FOCAD: variants seen among roughly 807,000 people sequenced by gnomAD.
FOCAD encodes the protein focadhesin.
FOCAD carries 198 observed loss-of-function variants against 225.6 expected under a neutral mutation model. That is an observed-to-expected ratio of 0.88 (90% confidence interval 0.78 to 0.99). The LOEUF is 0.99. FOCAD is among the 50% of genes least tolerant of loss of function. The pLI is 0.00. For missense variants in FOCAD, 2,713 were observed against 2,123.6 expected, an observed-to-expected ratio of 1.28 and a Z score of -5.46; for synonymous variants, 897 against 755.0, an observed-to-expected ratio of 1.19 and a Z score of -3.08.
intron 39 of FOCAD, among the ~76,000 whole-genome samples, chr9:20,983,874 A>T (rs1840928184): frequency 2.0e-5 from 3 of 152,148 alleles, no homozygotes; most frequent in Admixed American, 2.0e-4. Flanking sequence ...CAAGATAAGG[A>T]CTCAGTATTT....
At chr9:20,742,472 T>G (rs1038350272) in intron 5 of FOCAD, among the ~76,000 whole-genome samples, 17 of 152,192 alleles carry the variant, frequency 1.1e-4, no homozygotes, top group Admixed American at 3.3e-4. Context: ...CACTGTTGAG[T>G]AGCAGAGCTA....
In FOCAD at chr9:20,775,367, G is replaced by A. The variant is rs185073567; in HGVS notation, c.907-3314G>A. 5.1e-3 allele frequency among the ~76,000 whole-genome samples: 779 copies of A among 152,310 alleles called. 4 individuals carry two copies. The highest frequency in any genetic ancestry group is 7.2e-3 in the Non-Finnish European group (490 of 68,024). The stretch of plus-strand genomic sequence containing the variant: ...AGTGAAGAATGAGTGAAACATTTCA[G>A]CATTGGGAAGGGTCGGAAACTTCCC... On this transcript the variant is annotated intron_variant, in intron 8 of 43. Transcript: ENST00000338382.
chr9:20,844,985 C>T (rs1826932998), intron 15 of FOCAD, among the ~76,000 whole-genome samples: 1 of 151,520 alleles, frequency 6.6e-6, no homozygotes, highest in African/African-American at 2.4e-5. Flanking sequence ...TTTCTGTGAG[C>T]TACTTTGGGG....
intron 15 of FOCAD, among the ~76,000 whole-genome samples, chr9:20,840,797 C>T (rs1587366499): frequency 6.6e-6 from 1 of 151,800 alleles, no homozygotes; most frequent in East Asian, 1.9e-4. Context: ...TAGTCTTGTT[C>T]TAGATTGTAG....
Position 20,959,955 on chromosome 9 carries a change from A to G in FOCAD, c.4132+6890A>G, listed in dbSNP as rs142060980. On this transcript the variant is annotated intron_variant, in intron 35 of 43. Coordinates refer to ENST00000338382, the MANE Select transcript of FOCAD (RefSeq NM_001375567.1). ...AACATAAAAAAGTTGTAAAATGCAT[A>G]GAAAAGTAGCAAAAATTGTCTTCCT... is the stretch of plus-strand genomic sequence containing the variant. Among the ~76,000 whole-genome samples, 333 of 152,338 alleles carry G rather than the reference A, an allele frequency of 2.2e-3. 8 individuals are homozygous for G. The East Asian group carries it at 0.043, about 20-fold the overall frequency.
At chr9:20,754,005 G>T (rs1291108552) in intron 5 of FOCAD, among the ~76,000 whole-genome samples, 1 of 152,112 alleles carries the variant, frequency 6.6e-6, no homozygotes, top group African/African-American at 2.4e-5. Context: ...CATGACTCAG[G>T]TTGTGTTTTG....
chr9:20,825,856 A>C (rs893088374), intron 15 of FOCAD, among the ~76,000 whole-genome samples: 2 of 152,128 alleles, frequency 1.3e-5, no homozygotes, highest in Non-Finnish European at 2.9e-5. Context: ...TTTCAAGGTA[A>C]AGATTGTGTT....
chr9:20,754,079 C>T (rs1828820532), intron 5 of FOCAD, among the ~76,000 whole-genome samples: 1 of 152,084 alleles, frequency 6.6e-6, no homozygotes, highest in Non-Finnish European at 1.5e-5. Context: ...AAGTTGTTAA[C>T]TTGACTCAGT....
intron 2 of FOCAD, among the ~76,000 whole-genome samples, chr9:20,673,523 A>G (rs1034359873): frequency 6.6e-6 from 1 of 152,072 alleles, no homozygotes; most frequent in Non-Finnish European, 1.5e-5. Context: ...GCATCTTTTC[A>G]TTTATTTACT....
At chr9:20,938,906 G>A (rs1050510463) in intron 28 of FOCAD, among the ~76,000 whole-genome samples, 1 of 150,900 alleles carries the variant, frequency 6.6e-6, no homozygotes, top group East Asian at 1.9e-4. Flanking sequence ...CCACTGAACT[G>A]TACCCTTAAA....
At position 20,821,081 on chromosome 9, in the gene FOCAD, C is replaced by T. The variant is rs1262033243; in HGVS notation, c.1793+10C>T. 1.2e-6 allele frequency: 2 copies of T among 1,608,924 alleles called. No individual in the cohort carries two copies. The highest frequency in any genetic ancestry group is 2.7e-5 in the African/African-American group (2 of 74,752). Reference sequence around the variant, plus strand: ...ATATATGTAAGCAGAGGTATGATGTCATTAACTCTTAGGAATGTATATCAT... The same window carrying T: ...ATATATGTAAGCAGAGGTATGATGTTATTAACTCTTAGGAATGTATATCAT... On this transcript the variant is annotated intron_variant, in intron 14 of 43. Transcript: ENST00000338382.
At chr9:20,982,824 A>G (rs1032155089) in intron 39 of FOCAD, among the ~76,000 whole-genome samples, 3 of 152,240 alleles carry the variant, frequency 2.0e-5, no homozygotes, top group Non-Finnish European at 4.4e-5. Context: ...AAAAAGTAGC[A>G]TATCAGTAAA....
Position 20,993,329 on chromosome 9 carries a change from G to T in FOCAD, c.5332+1G>T. On this transcript the variant is annotated splice_donor_variant, in intron 43 of 43. Coordinates refer to ENST00000338382, the MANE Select transcript of FOCAD (RefSeq NM_001375567.1). LOFTEE classifies it high-confidence loss of function. ...GCACAGTCCAGGGATCTTTTGAAAG[G>T]TATTACTTCCATGTTTTATGCTCAA... is the stretch of plus-strand genomic sequence containing the variant. 1.2e-6 allele frequency: 2 copies of T among 1,611,588 alleles called. No homozygotes were observed. The highest frequency in any genetic ancestry group is 1.7e-6 in the Non-Finnish European group (2 of 1,177,954).
intron 11 of FOCAD, 85 bp from the exon 12 acceptor site, chr9:20,819,711 T>C: frequency 3.2e-6 from 2 of 619,066 alleles, no homozygotes. Flanking sequence ...ATATTATTCC[T>C]CTGGAAAAAA....
At chr9:20,894,285 G>T (rs745795364) in intron 21 of FOCAD, among the ~76,000 whole-genome samples, 5 of 152,088 alleles carry the variant, frequency 3.3e-5, no homozygotes, top group East Asian at 1.9e-4. Flanking sequence ...CCTACAGAAG[G>T]ATATTTTGGT....
chr9:20,969,991 GT>G (rs60438771), intron 35 of FOCAD, among the ~76,000 whole-genome samples: 1 of 146,708 alleles, frequency 6.8e-6, no homozygotes. Flanking sequence ...TTCGATGACA[GT>G]TTTTTTTTTT....
intron 4 of FOCAD, among the ~76,000 whole-genome samples, chr9:20,722,860 A>G (rs1211166820): frequency 6.6e-6 from 1 of 152,044 alleles, no homozygotes; most frequent in African/African-American, 2.4e-5. Context: ...CACCCCACAT[A>G]TTTTCAAATG....
chr9:20,856,917 T>C (rs946056271), intron 15 of FOCAD, among the ~76,000 whole-genome samples: 2 of 152,144 alleles, frequency 1.3e-5, no homozygotes, highest in Non-Finnish European at 2.9e-5. Flanking sequence ...GATTTATTTC[T>C]GCATTCTCTA....
rs533143008 is a variant in FOCAD, at chr9:20,948,980, A to G, written c.3876+52A>G. On this transcript the variant is annotated intron_variant, in intron 32 of 43. Transcript: ENST00000338382. ...GACATCTAAATATGTACATAGCCAT[A>G]GCGGGAGAAGAATACCCAGTGTTTT... 2.6e-6 allele frequency: 4 copies of G among 1,521,336 alleles called. No homozygotes were observed. The East Asian group carries it at 9.0e-5, about 34-fold the overall frequency. 94.2% of individuals were successfully genotyped at this position (1,521,336 alleles called of 1,614,324 possible).
Sources: allele counts gnomAD v4.1 joint callset (sites outside exome capture counted in the v4.1 genomes callset), GRCh38; gene constraint gnomAD v4.1.1; transcripts MANE v1.5; gene names NCBI Gene and HGNC (gene_info 2026-07-23, HGNC 2026-07-21).